The following PTPN20 variants were observed in gnomAD, a reference collection of about 807,000 sequenced individuals.
The protein encoded by PTPN20 is tyrosine-protein phosphatase non-receptor type 20.
Under a neutral mutation model 35.0 loss-of-function variants are expected in PTPN20, and 9 were observed. The observed-to-expected ratio is 0.26, with a 90% CI of 0.15 to 0.45. The LOEUF (loss-of-function observed/expected upper bound fraction) is 0.45. Ranked by LOEUF, PTPN20 falls within the 20% of genes least tolerant of loss-of-function variation. The pLI, the probability that PTPN20 is intolerant of heterozygous loss-of-function variation, is 1.00. For missense variants in PTPN20, 111 were observed against 312.5 expected (o/e 0.36, Z 4.86); for synonymous variants, 32 against 100.2 (o/e 0.32, Z 4.06).
In PTPN20 at chr10:47,001,817, T is replaced by C. The variant is rs1474980668; in HGVS notation, c.*1076T>C. 2.0e-5 allele frequency: 3 copies of C among 152,122 alleles called. No individual in the cohort carries two copies. Among genetic ancestry groups the C allele is most frequent in the Admixed American group, 2.0e-4 (3 of 15,266 alleles). 9.4% of individuals were successfully genotyped at this position (152,122 alleles called of 1,614,324 possible). A position where few individuals can be genotyped will look rare whatever the true frequency, so the allele number is the denominator to read the frequency against. ...TTCTGTTTTTGAAAAGATGTGGCCATTATTACAGTAATTTTATTATAGGAC... is the reference window on the plus strand; with the variant it reads ...TTCTGTTTTTGAAAAGATGTGGCCACTATTACAGTAATTTTATTATAGGAC... On this transcript the variant is annotated 3_prime_UTR_variant, in exon 11 of 11. Coordinates refer to ENST00000374339, the MANE Select transcript of PTPN20 (RefSeq NM_001042357.5).
intron 5 of PTPN20, among the ~76,000 whole-genome samples, chr10:46,947,479 AT>A (rs1358865186): frequency 1.3e-5 from 2 of 150,042 alleles, no homozygotes; most frequent in Admixed American, 6.7e-5. Context: ...ACGAGACATA[AT>A]TTTTAATTAA....
chr10:46,932,505 T>G lies in PTPN20; in HGVS notation c.6T>G (p.Ser2=), dbSNP rs1451331661. Residue 2 remains serine (S), a synonymous_variant, in exon 2 of 11, where the codon TCT becomes TCG. Transcript: ENST00000374339. ...ATTTAGGGGATGGGAACAACATGTC[T>G]TCACCTAGGGACTTTAGAGCAGAGC... is the stretch of plus-strand genomic sequence containing the variant. M[S]SPRDFRAEPV... The G allele has an allele frequency of 5.0e-6, 8 of 1,611,888 alleles. No homozygotes were observed. In the African/African-American group the frequency reaches 9.4e-5, roughly 19 times the overall value.
At chr10:47,000,071 T>C in intron 10 of PTPN20, 97 bp downstream of exon 10, 1 of 1,519,612 alleles carries the variant, frequency 6.6e-7, no homozygotes, top group Non-Finnish European at 9.1e-7. Flanking sequence ...ATTGACATAA[T>C]CTCATTGAAT....
chr10:46,993,517 A>G (rs1271829267), intron 9 of PTPN20, among the ~76,000 whole-genome samples: 1 of 152,202 alleles, frequency 6.6e-6, no homozygotes, highest in Non-Finnish European at 1.5e-5. Flanking sequence ...TGGCACCCAT[A>G]GCCTAGGGTT....
At chr10:46,919,085 G>A (rs1386572177) in intron 1 of PTPN20, among the ~76,000 whole-genome samples, 29 of 147,050 alleles carry the variant, frequency 2.0e-4, no homozygotes, top group Admixed American at 1.3e-3. Context: ...CTATGTTGTC[G>A]ATGTTAATAT....
chr10:46,999,197 T>A (rs1478808058), intron 9 of PTPN20, among the ~76,000 whole-genome samples: 3 of 152,216 alleles, frequency 2.0e-5, no homozygotes, highest in Non-Finnish European at 4.4e-5. Context: ...TATTTTTATA[T>A]GCTTTGGGGT....
chr10:46,993,862 A>G (rs919362268), intron 9 of PTPN20, among the ~76,000 whole-genome samples: 1 of 152,054 alleles, frequency 6.6e-6, no homozygotes, highest in Admixed American at 6.5e-5. Context: ...GGTTTTGTCC[A>G]TGTTGTTAAT....
intron 9 of PTPN20, among the ~76,000 whole-genome samples, chr10:46,992,582 T>C (rs2058203558): frequency 6.6e-6 from 1 of 152,206 alleles, no homozygotes; most frequent in South Asian, 2.1e-4. Flanking sequence ...GAAGGTCAGT[T>C]TGTTTGTTTC....
chr10:46,924,015 G>A (rs2132509754), intron 1 of PTPN20, among the ~76,000 whole-genome samples: 1 of 152,058 alleles, frequency 6.6e-6, no homozygotes, highest in East Asian at 1.9e-4. Context: ...TATAGAAAAG[G>A]AATTGACTTT....
chr10:46,951,227 T>G (rs1257061429), intron 5 of PTPN20, among the ~76,000 whole-genome samples: 10 of 152,148 alleles, frequency 6.6e-5, no homozygotes, highest in African/African-American at 2.2e-4. Flanking sequence ...ACTCCTGACA[T>G]TGTGATCCAC....
chr10:46,996,106 T>A (rs1354738210), intron 9 of PTPN20, among the ~76,000 whole-genome samples: 2 of 152,224 alleles, frequency 1.3e-5, no homozygotes, highest in East Asian at 3.8e-4. Context: ...AATTAATTAT[T>A]TTTTATGTAA....
At chr10:46,947,449 T>A (rs2045265877) in intron 5 of PTPN20, among the ~76,000 whole-genome samples, 1 of 150,610 alleles carries the variant, frequency 6.6e-6, no homozygotes, top group South Asian at 2.1e-4. Context: ...AAATAGTTTA[T>A]AAGAATATGC....
intron 2 of PTPN20, 133 bp downstream of exon 2, chr10:46,932,666 G>C (rs1322322198): frequency 4.6e-6 from 7 of 1,519,104 alleles, no homozygotes; most frequent in Admixed American, 3.3e-5. Flanking sequence ...GTCTTGGTGG[G>C]GTGGGGTGGG....
chr10:46,949,144 C>T (rs1254071419), intron 5 of PTPN20, among the ~76,000 whole-genome samples: 16 of 152,036 alleles, frequency 1.1e-4, no homozygotes, highest in South Asian at 2.1e-4. Context: ...TGGGGCTTTA[C>T]GCATTTTCGA....
intron 5 of PTPN20, among the ~76,000 whole-genome samples, chr10:46,953,339 C>CTTTCT (rs2047317865): frequency 3.6e-5 from 2 of 55,412 alleles, no homozygotes; most frequent in African/African-American, 2.1e-4. Flanking sequence ...CATTTCTTTT[C>CTTTCT]TTTCTTTCTT....
chr10:46,955,078 A>G (rs1363876172), intron 5 of PTPN20: 11 of 151,060 alleles, frequency 7.3e-5, no homozygotes, highest in African/African-American at 2.7e-4. Flanking sequence ...TGCAAATACT[A>G]TGCTATTTTG....
At chr10:47,003,304 C>T (rs1029134835), downstream of PTPN20, among the ~76,000 whole-genome samples, 1 of 151,994 alleles carries the variant, frequency 6.6e-6, no homozygotes, top group Non-Finnish European at 1.5e-5. Flanking sequence ...CAGAGCCCCC[C>T]CTATTAACAA....
intron 9 of PTPN20, among the ~76,000 whole-genome samples, chr10:46,990,613 AT>A (rs1355155927): frequency 3.8e-5 from 1 of 26,608 alleles, no homozygotes; most frequent in Non-Finnish European, 6.4e-5. Flanking sequence ...CATCCCAAAG[AT>A]TTTGATTTGT....
Position 47,000,790 on chromosome 10 carries a change from C to T in PTPN20, c.*49C>T. ...TTGAAATTACCAAGTGGGTTTGCAC[C>T]TCCTCATAAAGAACATGTTTGCACT... is the stretch of plus-strand genomic sequence containing the variant. On this transcript the variant is annotated 3_prime_UTR_variant, in exon 11 of 11. Coordinates refer to ENST00000374339, the MANE Select transcript of PTPN20 (RefSeq NM_001042357.5). 1 of 1,603,142 alleles carries T rather than the reference C, an allele frequency of 6.2e-7. No homozygotes were observed. The highest frequency in any genetic ancestry group is 1.7e-4 in the Middle Eastern group (1 of 6,032).
Sources: allele counts gnomAD v4.1 joint callset (sites outside exome capture counted in the v4.1 genomes callset), GRCh38; gene constraint gnomAD v4.1.1; transcripts MANE v1.5; gene names NCBI Gene and HGNC (gene_info 2026-07-23, HGNC 2026-07-21).